Variants in AFG2A observed in about 807,000 individuals in gnomAD.
AFG2A encodes the protein AAA ATPase AFG2A.
chr4:123,116,232 A>G, the AFG2A span, among the ~76,000 whole-genome samples: 1 of 152,200 alleles, frequency 6.6e-6, no homozygotes, highest in Non-Finnish European at 1.5e-5. Context: ...TTGACCCTGC[A>G]TGAAAGTTTG....
the AFG2A span, among the ~76,000 whole-genome samples, chr4:123,204,806 G>A: frequency 2.0e-5 from 3 of 152,242 alleles, no homozygotes; most frequent in East Asian, 5.8e-4. Flanking sequence ...TTTGGATGTA[G>A]TTAGAGTTGG....
chr4:123,215,492 T>A, the AFG2A span, among the ~76,000 whole-genome samples: 1 of 152,122 alleles, frequency 6.6e-6, no homozygotes, highest in Non-Finnish European at 1.5e-5. Context: ...CTTTTACAGA[T>A]AAGAAAACGT....
chr4:122,948,382 G>T, the AFG2A span, among the ~76,000 whole-genome samples: 1 of 107,934 alleles, frequency 9.3e-6, no homozygotes, highest in Non-Finnish European at 2.0e-5. Flanking sequence ...GACTTCTCCA[G>T]AGTATACACA....
the AFG2A span, among the ~76,000 whole-genome samples, chr4:123,171,957 A>T: frequency 1.3e-5 from 2 of 152,154 alleles, no homozygotes; most frequent in East Asian, 3.8e-4. Context: ...GCTATTTAAT[A>T]TAATAATACT....
At chr4:123,069,516 C>T in the AFG2A span, among the ~76,000 whole-genome samples, 1 of 152,060 alleles carries the variant, frequency 6.6e-6, no homozygotes, top group Non-Finnish European at 1.5e-5. Flanking sequence ...TAGAAAAAAA[C>T]AGATGAAGAG....
At chr4:123,038,194 T>A in the AFG2A span, among the ~76,000 whole-genome samples, 1 of 152,110 alleles carries the variant, frequency 6.6e-6, no homozygotes, top group Non-Finnish European at 1.5e-5. Flanking sequence ...GCTGTGTGAC[T>A]TTGGACAAAT....
chr4:123,243,565 G>A, the AFG2A span, among the ~76,000 whole-genome samples: 1 of 152,136 alleles, frequency 6.6e-6, no homozygotes, highest in Non-Finnish European at 1.5e-5. Flanking sequence ...CTTGGACGCA[G>A]GGCAGGGAAC....
At chr4:123,216,162 G>A in the AFG2A span, among the ~76,000 whole-genome samples, 2 of 152,212 alleles carry the variant, frequency 1.3e-5, no homozygotes, top group East Asian at 3.9e-4. Context: ...CATGAGATTT[G>A]ACCTATGACA....
At chr4:122,934,131 T>C in the AFG2A span, 1 of 1,612,736 alleles carries the variant, frequency 6.2e-7, no homozygotes, top group Non-Finnish European at 8.5e-7. Context: ...ACTTTCTGTA[T>C]TGTACATTCT....
the AFG2A span, among the ~76,000 whole-genome samples, chr4:123,204,931 A>G: frequency 6.6e-6 from 1 of 152,198 alleles, no homozygotes; most frequent in Non-Finnish European, 1.5e-5. Context: ...GAGTATGTAT[A>G]CAATGGAAAT....
chr4:123,204,697 T>C, the AFG2A span, among the ~76,000 whole-genome samples: 1 of 152,226 alleles, frequency 6.6e-6, no homozygotes. Flanking sequence ...TGATGCCACA[T>C]GCTACAGTCA....
At chr4:123,184,552 T>TG in the AFG2A span, among the ~76,000 whole-genome samples, 1 of 139,244 alleles carries the variant, frequency 7.2e-6, no homozygotes, top group African/African-American at 2.7e-5. Flanking sequence ...TTTTTTTTTT[T>TG]TTGAGACGGA....
At chr4:123,242,335 C>T in the AFG2A span, among the ~76,000 whole-genome samples, 1 of 152,158 alleles carries the variant, frequency 6.6e-6, no homozygotes, top group African/African-American at 2.4e-5. Flanking sequence ...AAGCTGGAGG[C>T]ATCACACTAC....
chr4:123,152,145 G>C, the AFG2A span, among the ~76,000 whole-genome samples: 2 of 152,040 alleles, frequency 1.3e-5, no homozygotes, highest in Non-Finnish European at 2.9e-5. Context: ...GGGTGGGAAA[G>C]GGGAGGGATA....
chr4:123,241,058 A>G, the AFG2A span, among the ~76,000 whole-genome samples: 3 of 152,234 alleles, frequency 2.0e-5, no homozygotes, highest in Non-Finnish European at 4.4e-5. Flanking sequence ...TCCTGGACAT[A>G]TACACCCTCC....
At chr4:122,968,932 G>A in the AFG2A span, among the ~76,000 whole-genome samples, 16 of 151,888 alleles carry the variant, frequency 1.1e-4, no homozygotes, top group African/African-American at 3.9e-4. Context: ...TGATGTGCCT[G>A]TCAAGTATCT....
chr4:123,207,425 C>A, the AFG2A span, among the ~76,000 whole-genome samples: 1 of 152,098 alleles, frequency 6.6e-6, no homozygotes, highest in Non-Finnish European at 1.5e-5. Context: ...GCCATCCTCC[C>A]ACTTCAGCCT....
At chr4:122,992,756 G>A in the AFG2A span, among the ~76,000 whole-genome samples, 5 of 148,154 alleles carry the variant, frequency 3.4e-5, no homozygotes. Flanking sequence ...GAGACCACAA[G>A]TGTTAGCCAC....
the AFG2A span, among the ~76,000 whole-genome samples, chr4:123,198,986 A>T: frequency 6.6e-6 from 1 of 152,168 alleles, no homozygotes; most frequent in Non-Finnish European, 1.5e-5. Context: ...GAGGCACAAT[A>T]GTACTGGTGA....
Sources: gnomAD v4.1 joint callset for allele counts (sites outside exome capture counted in the v4.1 genomes callset) on GRCh38, gnomAD v4.1.1 for gene constraint, MANE v1.5 for transcripts, NCBI Gene and HGNC (gene_info 2026-07-23, HGNC 2026-07-21) for gene names.